The following MBD3 variants were observed in gnomAD, a reference collection of about 807,000 sequenced individuals.
The protein encoded by MBD3 is methyl-CpG binding domain protein 3, also known as methyl-CpG-binding domain protein 3.
MBD3 carries 13 observed loss-of-function variants against 31.2 expected under a neutral mutation model. The ratio of observed to expected loss-of-function variants is 0.42; its 90% CI spans 0.27 to 0.66. The LOEUF (loss-of-function observed/expected upper bound fraction) is 0.66. Among genes scored for constraint, MBD3 ranks in the 30% least tolerant of loss-of-function variants. The pLI is 0.26. For synonymous variants in MBD3, 223 were observed against 187.4 expected (o/e 1.19, Z -1.55); for missense variants, 440 against 426.5 (o/e 1.03, Z -0.28).
Position 1,575,291 on chromosome 19 carries a change from G to C in MBD3, c.*2873C>G. The C allele has an allele frequency of 2.3e-6, 1 of 441,930 alleles. No individual in the cohort carries two copies. The highest frequency in any genetic ancestry group is 4.6e-6 in the Non-Finnish European group (1 of 216,392). The allele number at this position is 441,930 out of a possible 1,614,324, so 27.4% of individuals were successfully genotyped here. A position where few individuals can be genotyped will look rare whatever the true frequency, so the allele number is the denominator to read the frequency against. ...TTAAAAATACAAAAATTAGCTGGGC[G>C]TGGTGGCTACTCGGGAGGCTGAGGC... On this transcript the variant is annotated 3_prime_UTR_variant, in exon 7 of 7. Coordinates refer to ENST00000434436, the MANE Select transcript of MBD3 (RefSeq NM_001281453.2).
Position 1,587,454 on chromosome 19 carries a change from G to A in MBD3, c.111-2240C>T, listed in dbSNP as rs190068953. ...TTTAGATCCAGGGTCTCCTTGTGTC[G>A]CCCAGGCTGGAGTGCAGTGGTGTGA... On this transcript the variant is annotated intron_variant, in intron 1 of 6. Coordinates refer to ENST00000434436, the MANE Select transcript of MBD3 (RefSeq NM_001281453.2). Among the ~76,000 whole-genome samples the A allele has an allele frequency of 1.5e-3, 229 of 149,658 alleles. 1 individual carries two copies. The highest frequency in any genetic ancestry group is 2.8e-3 in the Non-Finnish European group (190 of 67,366).
intron 3 of MBD3, among the ~76,000 whole-genome samples, chr19:1,583,620 G>A (rs1272654557): frequency 6.6e-6 from 1 of 151,932 alleles, no homozygotes; most frequent in African/African-American, 2.4e-5. Flanking sequence ...CAGTTTTGGA[G>A]GCCAAGGTGG....
intron 2 of MBD3, 126 bp downstream of exon 2, chr19:1,584,929 G>GCCCTCCGCC: frequency 7.4e-7 from 1 of 1,360,394 alleles, no homozygotes; most frequent in Non-Finnish European, 1.0e-6. Context: ...TCCGCTCTGT[G>GCCCTCCGCC]CCCTCCGCCC....
chr19:1,580,535 T>TC (rs1487506027), intron 5 of MBD3, among the ~76,000 whole-genome samples: 2 of 152,238 alleles, frequency 1.3e-5, no homozygotes, highest in Non-Finnish European at 2.9e-5. Flanking sequence ...CTCCAGCACT[T>TC]CCAGAGTTTC....
chr19:1,582,706 A>G lies in MBD3; in HGVS notation c.415T>C (p.Trp139Arg). 6.2e-7 allele frequency: 1 copy of G among 1,613,436 alleles called. No homozygotes were observed. Among genetic ancestry groups the G allele is most frequent in the Non-Finnish European group, 8.5e-7 (1 of 1,179,720 alleles). The change falls in exon 4 of 7, where the codon TGG (tryptophan) becomes CGG (arginine). Residue 139 changes from tryptophan to arginine, a missense_variant. Physicochemically the swap from Trp to Arg is moderately radical, Grantham distance 101. Transcript: ENST00000434436. The part of the protein sequence containing the change: ...KAVDQPRQLF[W>R]EKKLSGLNAF... ...TTCAGGCCGCTCAGCTTCTTCTCCCAGAAGAGCTGCCCCAGACACATATGT... is the reference window on the plus strand; with the variant it reads ...TTCAGGCCGCTCAGCTTCTTCTCCCGGAAGAGCTGCCCCAGACACATATGT...
chr19:1,581,681 G>C, intron 4 of MBD3: 1 of 328,138 alleles, frequency 3.0e-6, no homozygotes, highest in South Asian at 2.6e-5. Context: ...GGAGGTAGAG[G>C]CTGCTGTGAG....
Position 1,577,909 on chromosome 19 carries a change from G to T in MBD3, c.*255C>A. Reference sequence around the variant, plus strand: ...TCGTAGGGAGCCAGGCAGGGCCCAGGAGCACCCGGCACTTCCCGAAGCCGG... The same window carrying T: ...TCGTAGGGAGCCAGGCAGGGCCCAGTAGCACCCGGCACTTCCCGAAGCCGG... On this transcript the variant is annotated 3_prime_UTR_variant, in exon 7 of 7. Coordinates refer to ENST00000434436, the MANE Select transcript of MBD3 (RefSeq NM_001281453.2). The T allele has an allele frequency of 4.1e-6, 1 of 242,824 alleles. No homozygotes were observed. The highest frequency in any genetic ancestry group is 5.5e-5 in the South Asian group (1 of 18,302). 15.0% of individuals were successfully genotyped at this position (242,824 alleles called of 1,614,324 possible). A position where few individuals can be genotyped will look rare whatever the true frequency, so the allele number is the denominator to read the frequency against.
chr19:1,585,208 G>A lies in MBD3; in HGVS notation c.117C>T (p.Ser39=). The change falls in exon 2 of 7, where the codon AGC becomes AGT. Residue 39 remains serine (S), a synonymous_variant. Coordinates refer to ENST00000434436, the MANE Select transcript of MBD3 (RefSeq NM_001281453.2). This position sits in a 1 kb window ranked among gnomAD's most constrained non-coding sequence, Gnocchi z 4.1. ...GCGGCTTGCTGCGGAACTTCTTCCC[G>A]CTCGGGCTGCGGGGAGGCGGGACGG... ...GHRDVFYYSP[S]GKKFRSKPQL... is the part of the protein sequence containing the mutation. 3 of 1,593,764 alleles carry A rather than the reference G, an allele frequency of 1.9e-6. No homozygotes were observed. Among genetic ancestry groups the A allele is most frequent in the Non-Finnish European group, 2.6e-6 (3 of 1,175,610 alleles).
chr19:1,583,305 T>G (rs903311646), intron 3 of MBD3: 1 of 147,054 alleles, frequency 6.8e-6, no homozygotes, highest in Non-Finnish European at 1.5e-5. Context: ...TTGAACCCAG[T>G]TGAAACCAGG....
chr19:1,575,494 C>A lies in MBD3; in HGVS notation c.*2670G>T. The A allele has an allele frequency of 3.3e-6, 1 of 298,692 alleles. No homozygotes were observed. The highest frequency in any genetic ancestry group is 6.7e-6 in the Non-Finnish European group (1 of 148,952). The allele number at this position is 298,692 out of a possible 1,614,324, so 18.5% of individuals were successfully genotyped here. On this transcript the variant is annotated 3_prime_UTR_variant, in exon 7 of 7. Coordinates refer to ENST00000434436, the MANE Select transcript of MBD3 (RefSeq NM_001281453.2). ...AGCCAAGTGGCCTTTGAGGATGGGG[C>A]CAGGCACCGCACAGGGCAGGCTGGT...
intron 1 of MBD3, 111 bp downstream of exon 1, chr19:1,592,411 C>T (rs375987730): frequency 1.1e-5 from 3 of 280,074 alleles, no homozygotes; most frequent in East Asian, 1.1e-4. Flanking sequence ...CACGCACGCA[C>T]GACGCACGCG....
chr19:1,581,775 T>C (rs1917360148), intron 4 of MBD3: 1 of 183,704 alleles, frequency 5.4e-6, no homozygotes, highest in South Asian at 1.0e-4. Context: ...CTGTATCTTT[T>C]TTTTTTTTTT....
chr19:1,583,839 T>G (rs1296204160), intron 3 of MBD3, among the ~76,000 whole-genome samples: 2 of 152,230 alleles, frequency 1.3e-5, no homozygotes, highest in African/African-American at 4.8e-5. Context: ...ATTTTATTTT[T>G]GAGACCGGGT....
At position 1,584,727 on chromosome 19, in the gene MBD3, G is replaced by A. The variant is rs201597427; in HGVS notation, c.271-50C>T. On this transcript the variant is annotated intron_variant, in intron 2 of 6. Transcript: ENST00000434436. ...CGGCCTGGGGGCGCCCCGGCGGCGCGGAGCCTCAGGGGGTGCGGGGCCCGG... is the reference window on the plus strand; with the variant it reads ...CGGCCTGGGGGCGCCCCGGCGGCGCAGAGCCTCAGGGGGTGCGGGGCCCGG... 424 of 1,579,524 alleles carry A rather than the reference G, an allele frequency of 2.7e-4. 3 individuals carry two copies. The African/African-American group carries it at 5.2e-3, about 19-fold the overall frequency.
chr19:1,581,318 C>A, intron 4 of MBD3, 49 bp from the exon 5 acceptor site: 5 of 1,574,310 alleles, frequency 3.2e-6, no homozygotes, highest in African/African-American at 1.3e-5. Context: ...CACCACGGGG[C>A]AGCTGTGGCC....
chr19:1,574,256 C>CCAT lies in MBD3; in HGVS notation c.*3905_*3907dup, dbSNP rs1348119350. ...GAGCTTGCAGTGAGCAGAGATCACA[C>CCAT]CATTGCACTCCAGCCTGGGTGACAA... is the stretch of plus-strand genomic sequence containing the variant. On this transcript the variant is annotated 3_prime_UTR_variant, in exon 7 of 7. Transcript: ENST00000434436. The CCAT allele has an allele frequency of 1.3e-5, 2 of 152,234 alleles. No homozygotes were observed. Among genetic ancestry groups the CCAT allele is most frequent in the Non-Finnish European group, 2.9e-5 (2 of 68,132 alleles). The allele number at this position is 152,234 out of a possible 1,614,324, so 9.4% of individuals were successfully genotyped here.
At chr19:1,584,460 T>C (rs2145601332) in intron 3 of MBD3, 80 bp downstream of exon 3, 1 of 1,584,170 alleles carries the variant, frequency 6.3e-7, no homozygotes, top group African/African-American at 1.3e-5. Flanking sequence ...CCGCTCCACG[T>C]ACGACCTCAT....
chr19:1,584,738 G>C, intron 2 of MBD3, 61 bp from the exon 3 acceptor site: 1 of 1,554,712 alleles, frequency 6.4e-7, no homozygotes, highest in Non-Finnish European at 8.7e-7. Context: ...GAGCCTCAGG[G>C]GGTGCGGGGC....
At chr19:1,582,220 A>C (rs930696113) in intron 4 of MBD3, among the ~76,000 whole-genome samples, 15 of 152,170 alleles carry the variant, frequency 9.9e-5, no homozygotes, top group Admixed American at 5.2e-4. Context: ...CTCAAAAAAC[A>C]ACCACCAAAA....
Sources: gnomAD v4.1 joint callset for allele counts (sites outside exome capture counted in the v4.1 genomes callset) on GRCh38, gnomAD v4.1.1 for gene constraint, Gnocchi (gnomAD v3.1) non-coding constraint, MANE v1.5 for transcripts, NCBI Gene and HGNC (gene_info 2026-07-23, HGNC 2026-07-21) for gene names.